MED22: variants seen among roughly 807,000 people sequenced by gnomAD.
MED22 encodes the protein mediator of RNA polymerase II transcription subunit 22.
In MED22, 22 loss-of-function variants were observed where a neutral mutation model predicts 22.7. That is an observed-to-expected ratio of 0.97 (90% CI 0.69 to 1.38). The LOEUF is 1.38. Among genes scored for constraint, MED22 ranks in the 40% most tolerant of loss-of-function variants. MED22 has a pLI of 0.00. For synonymous variants in MED22, 134 were observed against 119.4 expected (o/e 1.12, Z -0.80); for missense variants, 247 against 263.0 (o/e 0.94, Z 0.42).
chr9:133,346,546 G>A lies in MED22; in HGVS notation c.117C>T (p.Thr39=). The change falls in exon 2 of 5, where the codon ACC becomes ACT. Residue 39 remains threonine, a synonymous_variant. Transcript: ENST00000343730. ...TGGGCCACCCCACCCCCACCTTGGC[G>A]GTCTTGATGATCTCGGTGAAGTTGT... is the stretch of plus-strand genomic sequence containing the variant. ...IMDNFTEIIK[T]AKIEDETQVS... The A allele has an allele frequency of 1.2e-6, 2 of 1,612,386 alleles. No individual in the cohort carries two copies. The highest frequency in any genetic ancestry group is 1.7e-6 in the Non-Finnish European group (2 of 1,179,936).
chr9:133,342,686 G>A (rs1836043426), intron 4 of MED22: 1 of 985,872 alleles, frequency 1.0e-6, no homozygotes, highest in Non-Finnish European at 1.2e-6. Context: ...GGGGCTGTGT[G>A]AGGCCCCCCA....
intron 1 of MED22, 97 bp from the exon 2 acceptor site, chr9:133,346,797 C>G: frequency 9.2e-7 from 1 of 1,081,576 alleles, no homozygotes; most frequent in Non-Finnish European, 1.3e-6. Context: ...CTGGGGATTC[C>G]CTTTCTGCCA....
At chr9:133,344,914 G>A (rs1836136963) in intron 3 of MED22, among the ~76,000 whole-genome samples, 1 of 152,210 alleles carries the variant, frequency 6.6e-6, no homozygotes, top group South Asian at 2.1e-4. Context: ...GCTACAGGAC[G>A]GGCATGGGTG....
In MED22 at chr9:133,346,658, G is replaced by A; in HGVS notation, c.5C>T (p.Ala2Val). The A allele has an allele frequency of 1.2e-6, 2 of 1,611,706 alleles. No homozygotes were observed. The highest frequency in any genetic ancestry group is 8.5e-7 in the Non-Finnish European group (1 of 1,179,950). The part of the protein sequence containing the change: M[A>V]QQRALPQSKE... Reference sequence around the variant, plus strand: ...GCTCTGGGGCAGGGCTCTCTGCTGGGCCATGGCCGAGCCTCAAGCAGCGCA... The same window carrying A: ...GCTCTGGGGCAGGGCTCTCTGCTGGACCATGGCCGAGCCTCAAGCAGCGCA... The change falls in exon 2 of 5, where the codon GCC becomes GTC. Residue 2 changes from alanine to valine, a missense_variant. Coordinates refer to ENST00000343730, the MANE Select transcript of MED22 (RefSeq NM_133640.5).
chr9:133,342,570 G>GC, intron 4 of MED22: 1 of 986,710 alleles, frequency 1.0e-6, no homozygotes, highest in African/African-American at 1.7e-5. Context: ...GCAGGGCAGG[G>GC]AGCGGAGCGC....
intron 3 of MED22, 51 bp downstream of exon 3, chr9:133,345,121 G>T (rs1836141195): frequency 1.3e-6 from 2 of 1,578,110 alleles, no homozygotes; most frequent in Non-Finnish European, 1.7e-6. Context: ...GAAACCTGAG[G>T]GGACTGATGC....
chr9:133,344,568 T>C (rs2129962201), intron 3 of MED22, among the ~76,000 whole-genome samples: 1 of 152,218 alleles, frequency 6.6e-6, no homozygotes, highest in African/African-American at 2.4e-5. Context: ...CTTCCACTCC[T>C]GCAGGACTGG....
chr9:133,343,756 A>G (rs1836084204), intron 4 of MED22: 4 of 1,327,122 alleles, frequency 3.0e-6, no homozygotes, highest in Non-Finnish European at 2.9e-6. Context: ...AAATCTCTAC[A>G]TATGGATTCA....
chr9:133,342,856 C>A, intron 4 of MED22: 1 of 985,562 alleles, frequency 1.0e-6, no homozygotes, highest in African/African-American at 1.7e-5. Context: ...TGAGCAGGTT[C>A]CCTCTCTCCC....
intron 4 of MED22, chr9:133,341,944 G>A (rs1836018617): frequency 2.3e-5 from 30 of 1,291,028 alleles, no homozygotes; most frequent in Non-Finnish European, 2.8e-5. Flanking sequence ...CAACAGCTGT[G>A]TGACCTCAGC....
At position 133,346,615 on chromosome 9, in the gene MED22, C is replaced by T. The variant is rs150884937; in HGVS notation, c.48G>A (p.Gln16=). 2 of 1,612,804 alleles carry T rather than the reference C, an allele frequency of 1.2e-6. No individual in the cohort carries two copies. Among genetic ancestry groups the T allele is most frequent in the African/African-American group, 2.7e-5 (2 of 74,866 alleles). Residue 16 remains glutamine, a synonymous_variant, in exon 2 of 5, where the codon CAG becomes CAA. Transcript: ENST00000343730. ...ALPQSKETLL[Q]SYNKRLKDDI... ...CGTCCTTCAGCCGCTTGTTGTAGGA[C>T]TGCAGCAGCGTCTCCTTGCTCTGGG... is the stretch of plus-strand genomic sequence containing the variant.
chr9:133,344,099 C>T (rs1836100446), intron 4 of MED22, 26 bp downstream of exon 4: 2 of 1,612,658 alleles, frequency 1.2e-6, no homozygotes, highest in Admixed American at 1.7e-5. Flanking sequence ...TCCCGCTCTG[C>T]ATGGGGAGTC....
intron 3 of MED22, among the ~76,000 whole-genome samples, chr9:133,344,629 C>T (rs1327204198): frequency 6.6e-6 from 1 of 152,198 alleles, no homozygotes. Context: ...AAACTCAAAC[C>T]CCACAGATAA....
intron 4 of MED22, chr9:133,342,113 A>G (rs1836023050): frequency 1.9e-6 from 2 of 1,032,874 alleles, no homozygotes; most frequent in South Asian, 6.4e-5. Context: ...GAGCTCTCTG[A>G]GGGCAGACTG....
intron 3 of MED22, 50 bp from the exon 4 acceptor site, chr9:133,344,383 C>T (rs2129961781): frequency 2.5e-6 from 4 of 1,597,916 alleles, no homozygotes; most frequent in Admixed American, 3.4e-5. Context: ...GGACAGCGGC[C>T]TTGCCTACAA....
chr9:133,345,285 C>G, intron 2 of MED22, 33 bp from the exon 3 acceptor site: 3 of 1,607,952 alleles, frequency 1.9e-6, no homozygotes, highest in South Asian at 1.1e-5. Context: ...AGAAATCAAC[C>G]CAGCCAAGGC....
At chr9:133,342,493 AGAGCAAC>A (rs980403427) in intron 4 of MED22, 2 of 986,776 alleles carry the variant, frequency 2.0e-6, no homozygotes, top group African/African-American at 3.5e-5. Flanking sequence ...AGAGCCAGAA[AGAGCAAC>A]TAACAAGCAG....
In MED22 at chr9:133,339,162, ATGGCTAGAC is replaced by A. The variant is rs1471600459; in HGVS notation, c.*2334_*2342del. 1 of 685,376 alleles carries A rather than the reference ATGGCTAGAC, an allele frequency of 1.5e-6. No homozygotes were observed. The highest frequency in any genetic ancestry group is 2.7e-6 in the Non-Finnish European group (1 of 367,388). 42.5% of individuals were successfully genotyped at this position (685,376 alleles called of 1,614,324 possible). Reference sequence around the variant, plus strand: ...AAAGGAATGCCCCACAAATGTCACCATGGCTAGACTGGGAGAGTCTACAGTGTTCCCCAG... The same window carrying A: ...AAAGGAATGCCCCACAAATGTCACCATGGGAGAGTCTACAGTGTTCCCCAG... On this transcript the variant is annotated 3_prime_UTR_variant, in exon 5 of 5. Coordinates refer to ENST00000343730, the MANE Select transcript of MED22 (RefSeq NM_133640.5).
At chr9:133,345,360 C>A (rs587737389) in intron 2 of MED22, 108 bp from the exon 3 acceptor site, 2 of 1,057,316 alleles carry the variant, frequency 1.9e-6, no homozygotes, top group East Asian at 2.6e-5. Flanking sequence ...GATGTCCACA[C>A]TGGCCACAAC....
Sources: allele counts gnomAD v4.1 joint callset (sites outside exome capture counted in the v4.1 genomes callset), GRCh38; gene constraint gnomAD v4.1.1; transcripts MANE v1.5; gene names NCBI Gene and HGNC (gene_info 2026-07-23, HGNC 2026-07-21).